The following WDR41 variants were observed in gnomAD, a reference collection of about 807,000 sequenced individuals.
The protein encoded by WDR41 is WD repeat domain 41.
Under a neutral mutation model 69.3 loss-of-function variants are expected in WDR41, and 63 were observed. The observed-to-expected ratio is 0.91, with a 90% CI of 0.74 to 1.12. The LOEUF (loss-of-function observed/expected upper bound fraction) is 1.12. Ranked by LOEUF, WDR41 falls within the 50% of genes most tolerant of loss-of-function variation. The pLI, the probability that WDR41 is intolerant of heterozygous loss-of-function variation, is 0.00. For missense variants in WDR41, 543 were observed against 534.5 expected (o/e 1.02, Z -0.16); for synonymous variants, 185 against 192.1 (o/e 0.96, Z 0.31).
chr5:77,612,340 A>C (rs942080580), intron 1 of WDR41, among the ~76,000 whole-genome samples: 1 of 152,222 alleles, frequency 6.6e-6, no homozygotes, highest in Non-Finnish European at 1.5e-5. Context: ...GACACAACCA[A>C]AAAAGAGAAT....
At chr5:77,510,766 A>ATTTTTTT (rs58752727) in intron 1 of WDR41, among the ~76,000 whole-genome samples, 2 of 99,612 alleles carry the variant, frequency 2.0e-5, no homozygotes, top group African/African-American at 4.1e-5. Flanking sequence ...TCCAAATTCA[A>ATTTTTTT]TTTTTTTTTT....
chr5:77,470,254 GT>G, intron 2 of WDR41, among the ~76,000 whole-genome samples: 24 of 152,136 alleles, frequency 1.6e-4, no homozygotes, highest in African/African-American at 5.8e-4. Context: ...CACCAGGCCT[GT>G]CTTAAAAGAG....
Position 77,456,463 on chromosome 5 carries a change from C to T in WDR41, c.412-2535G>A, listed in dbSNP as rs146836548. On this transcript the variant is annotated intron_variant, in intron 5 of 12. Coordinates refer to ENST00000296679, the MANE Select transcript of WDR41 (RefSeq NM_018268.4). ...AACCTTGCTAAATCCATTTACTAGC[C>T]TCAATAGTTTGGTTGTGGACTTAGG... 3.5e-3 allele frequency among the ~76,000 whole-genome samples: 535 copies of T among 152,204 alleles called. 3 individuals carry two copies. The highest frequency in any genetic ancestry group is 0.012 in the African/African-American group (496 of 41,528).
chr5:77,496,148 A>G (rs72769082), upstream of WDR41, among the ~76,000 whole-genome samples: 2,755 of 152,184 alleles, frequency 0.018, 34 homozygotes, highest in Middle Eastern at 0.061. Context: ...TGAAAAACCC[A>G]TGGTTAACAT....
intron 6 of WDR41, chr5:77,451,995 A>T (rs335610): frequency 0.56 from 84,705 of 150,808 alleles, 24,383 homozygotes; most frequent in African/African-American, 0.68. Flanking sequence ...AGAGTTGATA[A>T]ATTAGAACCA....
chr5:77,483,297 C>G (rs1801364826), intron 2 of WDR41, among the ~76,000 whole-genome samples: 1 of 151,920 alleles, frequency 6.6e-6, no homozygotes, highest in Admixed American at 6.6e-5. Flanking sequence ...ACCACCACAC[C>G]CAGCTAATTT....
chr5:77,472,564 A>T (rs1800675767), intron 2 of WDR41, among the ~76,000 whole-genome samples: 1 of 152,186 alleles, frequency 6.6e-6, no homozygotes, highest in Non-Finnish European at 1.5e-5. Flanking sequence ...CTGATAGGCA[A>T]CTTCAGCAAA....
chr5:77,571,380 T>A (rs948713057), intron 1 of WDR41, among the ~76,000 whole-genome samples: 1 of 150,732 alleles, frequency 6.6e-6, no homozygotes. Context: ...GGGAAAAAAA[T>A]CCACCAGGAA....
chr5:77,453,482 G>C (rs796400507), intron 6 of WDR41, among the ~76,000 whole-genome samples: 1 of 152,044 alleles, frequency 6.6e-6, no homozygotes, highest in South Asian at 2.1e-4. Context: ...GTCATCCTTA[G>C]GCATTTATTC....
chr5:77,569,306 A>G (rs1026653997), intron 1 of WDR41, among the ~76,000 whole-genome samples: 3 of 152,186 alleles, frequency 2.0e-5, no homozygotes, highest in Non-Finnish European at 4.4e-5. Flanking sequence ...ATGCCTTTCT[A>G]TATGGGCTTT....
At chr5:77,539,581 C>A (rs1743052577) in intron 1 of WDR41, among the ~76,000 whole-genome samples, 1 of 152,114 alleles carries the variant, frequency 6.6e-6, no homozygotes, top group South Asian at 2.1e-4. Context: ...ATACAGTACA[C>A]AAAACTGGTT....
At chr5:77,459,169 C>A in intron 4 of WDR41, 45 bp from the exon 5 acceptor site, 1 of 1,385,350 alleles carries the variant, frequency 7.2e-7, no homozygotes, top group South Asian at 1.3e-5. Context: ...ATTTTAAAAT[C>A]TTAATTATAA....
chr5:77,472,041 C>T (rs574398425), intron 2 of WDR41, among the ~76,000 whole-genome samples: 25 of 152,244 alleles, frequency 1.6e-4, no homozygotes, highest in African/African-American at 5.1e-4. Context: ...ACTGGCAAAC[C>T]GAATCCAGCA....
chr5:77,501,666 A>G (rs1417139383), intron 1 of WDR41, among the ~76,000 whole-genome samples: 1 of 152,130 alleles, frequency 6.6e-6, no homozygotes, highest in Non-Finnish European at 1.5e-5. Flanking sequence ...CCCCTCTGGG[A>G]CAAAGCTTCC....
intron 2 of WDR41, among the ~76,000 whole-genome samples, chr5:77,472,207 T>C (rs548895235): frequency 2.0e-5 from 3 of 152,308 alleles, no homozygotes; most frequent in Non-Finnish European, 2.9e-5. Context: ...GAAAAGGCCT[T>C]TGACAAAATT....
chr5:77,554,574 A>G (rs1380981475), intron 1 of WDR41, among the ~76,000 whole-genome samples: 1 of 151,350 alleles, frequency 6.6e-6, no homozygotes, highest in Admixed American at 6.6e-5. Context: ...CCCAGCCTCC[A>G]GAACTATCAG....
intron 1 of WDR41, among the ~76,000 whole-genome samples, chr5:77,552,316 T>C (rs573507360): frequency 6.6e-6 from 1 of 152,250 alleles, no homozygotes; most frequent in South Asian, 2.1e-4. Flanking sequence ...AATGAAATAC[T>C]TATGCATTTA....
In WDR41 at chr5:77,432,331, A is replaced by G. The variant is rs917962934; in HGVS notation, c.*804T>C. On this transcript the variant is annotated 3_prime_UTR_variant, in exon 13 of 13. Coordinates refer to ENST00000296679, the MANE Select transcript of WDR41 (RefSeq NM_018268.4). ...TATAGTGTCTCAATGGACACTGCAAAGAACTACATAAAAGAAGTCTGTCTC... is the reference window on the plus strand; with the variant it reads ...TATAGTGTCTCAATGGACACTGCAAGGAACTACATAAAAGAAGTCTGTCTC... 2 of 152,354 alleles carry G rather than the reference A, an allele frequency of 1.3e-5. No homozygotes were observed. The highest frequency in any genetic ancestry group is 2.9e-5 in the Non-Finnish European group (2 of 68,034). 9.4% of individuals were successfully genotyped at this position (152,354 alleles called of 1,614,324 possible).
In WDR41 at chr5:77,431,373, G is replaced by A. The variant is rs914874378; in HGVS notation, c.*1762C>T. 3.9e-5 allele frequency: 6 copies of A among 152,266 alleles called. No homozygotes were observed. The highest frequency in any genetic ancestry group is 2.1e-4 in the South Asian group (1 of 4,838). 9.4% of individuals were successfully genotyped at this position (152,266 alleles called of 1,614,324 possible). ...CTCAGATGATTGTTAGCATTTTTTAGCAATAAAGTATTCTTAAGGTATGTA... is the reference window on the plus strand; with the variant it reads ...CTCAGATGATTGTTAGCATTTTTTAACAATAAAGTATTCTTAAGGTATGTA... On this transcript the variant is annotated 3_prime_UTR_variant, in exon 13 of 13. Coordinates refer to ENST00000296679, the MANE Select transcript of WDR41 (RefSeq NM_018268.4).
Sources: allele counts gnomAD v4.1 joint callset (sites outside exome capture counted in the v4.1 genomes callset), GRCh38; gene constraint gnomAD v4.1.1; transcripts MANE v1.5; gene names NCBI Gene and HGNC (gene_info 2026-07-23, HGNC 2026-07-21).